Variants in HMGCLL1 observed in about 807,000 individuals in gnomAD.
HMGCLL1 encodes the protein 3-hydroxymethyl-3-methylglutaryl-CoA lyase, cytoplasmic.
HMGCLL1 carries 36 observed loss-of-function variants against 39.1 expected under a neutral mutation model. The observed-to-expected ratio is 0.92, with a 90% CI of 0.71 to 1.22. The LOEUF (loss-of-function observed/expected upper bound fraction) is 1.22, where lower values mean the gene tolerates loss of function less well. HMGCLL1 is among the 50% of genes most tolerant of loss of function. The pLI is 0.00. For missense variants in HMGCLL1, 451 were observed against 416.5 expected, an observed-to-expected ratio of 1.08 and a Z score of -0.72; for synonymous variants, 149 against 144.0, an observed-to-expected ratio of 1.03 and a Z score of -0.25.
chr6:55,642,990 C>A, the HMGCLL1 span, among the ~76,000 whole-genome samples: 2 of 152,078 alleles, frequency 1.3e-5, no homozygotes, highest in African/African-American at 2.4e-5. Context: ...TTTATGGCTG[C>A]ATATTATTCC....
chr6:55,607,980 GA>G, the HMGCLL1 span, among the ~76,000 whole-genome samples: 3 of 151,788 alleles, frequency 2.0e-5, no homozygotes, highest in Non-Finnish European at 2.9e-5. Flanking sequence ...AATCTCACAT[GA>G]AAAAAAATAA....
intron 1 of HMGCLL1, among the ~76,000 whole-genome samples, chr6:55,568,935 G>A (rs558947442): frequency 6.6e-6 from 1 of 152,004 alleles, no homozygotes; most frequent in East Asian, 1.9e-4. Context: ...GAAAGTTACA[G>A]CACAGAGTGA....
At chr6:55,607,036 G>C in the HMGCLL1 span, among the ~76,000 whole-genome samples, 1 of 152,088 alleles carries the variant, frequency 6.6e-6, no homozygotes, top group Non-Finnish European at 1.5e-5. Context: ...AAGCAATTAA[G>C]TTTTTGTTAA....
At chr6:55,452,079 G>A (rs1333838534) in intron 7 of HMGCLL1, among the ~76,000 whole-genome samples, 2 of 152,076 alleles carry the variant, frequency 1.3e-5, no homozygotes, top group South Asian at 2.1e-4. Flanking sequence ...CAAGATCAAG[G>A]TGCATATAGG....
the HMGCLL1 span, among the ~76,000 whole-genome samples, chr6:55,622,035 C>G: frequency 6.6e-6 from 1 of 151,976 alleles, no homozygotes; most frequent in Non-Finnish European, 1.5e-5. Context: ...TTATTTGTAT[C>G]TATTAAAGTG....
chr6:55,488,872 T>C (rs1238268174), intron 7 of HMGCLL1, among the ~76,000 whole-genome samples: 1 of 152,114 alleles, frequency 6.6e-6, no homozygotes, highest in Non-Finnish European at 1.5e-5. Context: ...TTTGGCAATA[T>C]ATGAGAAAGC....
chr6:55,558,355 CTGTT>C (rs1770775113), intron 1 of HMGCLL1, among the ~76,000 whole-genome samples: 4 of 152,286 alleles, frequency 2.6e-5, no homozygotes, highest in South Asian at 4.1e-4. Flanking sequence ...TTATACATCT[CTGTT>C]TGTTTGAGGT....
chr6:55,615,259 C>A, the HMGCLL1 span, among the ~76,000 whole-genome samples: 1 of 151,770 alleles, frequency 6.6e-6, no homozygotes, highest in African/African-American at 2.4e-5. Context: ...GATTAAAAAC[C>A]CAAAAATCAT....
Position 55,516,499 on chromosome 6 carries a change from C to A in HMGCLL1, c.393+9G>T. 1 of 1,558,694 alleles carries A rather than the reference C, an allele frequency of 6.4e-7. No individual in the cohort carries two copies. The highest frequency in any genetic ancestry group is 8.8e-7 in the Non-Finnish European group (1 of 1,137,250). On this transcript the variant is annotated intron_variant, in intron 4 of 8. Coordinates refer to ENST00000274901, the MANE Select transcript of HMGCLL1 (RefSeq NM_001042406.2). ...CTATCAATTTTAGAGATATTAGTAG[C>A]ACACTTACAGCATGGTGAAAACCCT...
chr6:55,637,687 C>T, the HMGCLL1 span, among the ~76,000 whole-genome samples: 4 of 150,626 alleles, frequency 2.7e-5, no homozygotes, highest in East Asian at 7.9e-4. Context: ...TATATACATT[C>T]CCCTGGTCTT....
intron 5 of HMGCLL1, among the ~76,000 whole-genome samples, chr6:55,510,443 A>G (rs1767389763): frequency 6.6e-6 from 1 of 151,718 alleles, no homozygotes; most frequent in Non-Finnish European, 1.5e-5. Flanking sequence ...CATATACACC[A>G]TGGAATACTA....
the HMGCLL1 span, among the ~76,000 whole-genome samples, chr6:55,658,790 A>C: frequency 6.6e-6 from 1 of 151,962 alleles, no homozygotes; most frequent in Non-Finnish European, 1.5e-5. Flanking sequence ...TAATTCTATG[A>C]AGAAGAGAGA....
chr6:55,567,469 C>T (rs1039227045), intron 1 of HMGCLL1, among the ~76,000 whole-genome samples: 3 of 152,090 alleles, frequency 2.0e-5, no homozygotes, highest in African/African-American at 7.2e-5. Context: ...AATCATCTTA[C>T]TCTGAACAGG....
At chr6:55,582,002 GTGATT>G (rs1406480674), upstream of HMGCLL1, among the ~76,000 whole-genome samples, 1 of 152,136 alleles carries the variant, frequency 6.6e-6, no homozygotes, top group Non-Finnish European at 1.5e-5. Flanking sequence ...CTGTCAACAA[GTGATT>G]TGAGTTAAAT....
intron 1 of HMGCLL1, 39 bp downstream of exon 1, chr6:55,578,909 C>A (rs1236161473): frequency 6.9e-7 from 1 of 1,451,930 alleles, no homozygotes; most frequent in South Asian, 1.2e-5. Context: ...TGTCAGTGTG[C>A]GCATGAGGGT....
chr6:55,523,019 A>G (rs1020151613), intron 3 of HMGCLL1, among the ~76,000 whole-genome samples: 2 of 152,008 alleles, frequency 1.3e-5, no homozygotes, highest in Admixed American at 6.6e-5. Context: ...AAATTATATA[A>G]CTTGACCACC....
At chr6:55,665,082 A>C in the HMGCLL1 span, among the ~76,000 whole-genome samples, 1 of 151,736 alleles carries the variant, frequency 6.6e-6, no homozygotes, top group Non-Finnish European at 1.5e-5. Flanking sequence ...GAGTTTATGC[A>C]AGAGTACAAT....
chr6:55,581,839 CAGA>C (rs1450834224), upstream of HMGCLL1, among the ~76,000 whole-genome samples: 2 of 151,782 alleles, frequency 1.3e-5, no homozygotes, highest in African/African-American at 2.4e-5. Flanking sequence ...CTCACTCAAG[CAGA>C]AGAAGATACG....
At chr6:55,580,498 C>A (rs551681792), upstream of HMGCLL1, among the ~76,000 whole-genome samples, 11 of 131,666 alleles carry the variant, frequency 8.4e-5, no homozygotes, top group African/African-American at 2.9e-4. Flanking sequence ...TCACTGAAAG[C>A]TTCTCCCCCC....
Sources: gnomAD v4.1 joint callset for allele counts (sites outside exome capture counted in the v4.1 genomes callset) on GRCh38, gnomAD v4.1.1 for gene constraint, MANE v1.5 for transcripts, NCBI Gene and HGNC (gene_info 2026-07-23, HGNC 2026-07-21) for gene names.